The following DLGAP1 variants were observed in gnomAD, a reference collection of about 807,000 sequenced individuals.
DLGAP1 encodes DLG associated protein 1.
DLGAP1 carries 11 observed loss-of-function variants against 90.8 expected under a neutral mutation model. The observed-to-expected ratio is 0.12, with a 90% CI of 0.08 to 0.20. The LOEUF (loss-of-function observed/expected upper bound fraction) is 0.20. DLGAP1 is among the 10% of genes least tolerant of loss of function. The pLI is 1.00. For synonymous variants in DLGAP1, 558 were observed against 540.7 expected, an observed-to-expected ratio of 1.03 and a Z score of -0.44; for missense variants, 1,050 against 1,333.8, an observed-to-expected ratio of 0.79 and a Z score of 3.31.
At position 4,168,552 on chromosome 18, in the gene DLGAP1, A is replaced by AT. The variant is rs1047212051; in HGVS notation, c.-266-17266dup. 2.6e-5 allele frequency among the ~76,000 whole-genome samples: 4 copies of AT among 152,094 alleles called. No individual in the cohort carries two copies. The East Asian group carries it at 7.8e-4, about 30-fold the overall frequency. On this transcript the variant is annotated intron_variant, in intron 1 of 12. Coordinates refer to ENST00000315677, the MANE Select transcript of DLGAP1 (RefSeq NM_004746.4). ...TATACCCATTAAACCATAACTCCAC[A>AT]TTCCCCCCTTCTCCCTAGTCCTTGG...
At chr18:4,193,293 T>A (rs1180055131) in intron 1 of DLGAP1, among the ~76,000 whole-genome samples, 1 of 152,238 alleles carries the variant, frequency 6.6e-6, no homozygotes, top group Non-Finnish European at 1.5e-5. Context: ...TCATTTTTTA[T>A]ATGTTTACCT....
chr18:3,615,066 G>A (rs546262010), intron 7 of DLGAP1, among the ~76,000 whole-genome samples: 13 of 151,726 alleles, frequency 8.6e-5, no homozygotes, highest in South Asian at 4.2e-4. Flanking sequence ...GATTACAGGC[G>A]CCCGCCACCA....
At chr18:3,772,371 T>TCCTCCCCC (rs2064689798) in intron 5 of DLGAP1, among the ~76,000 whole-genome samples, 1 of 16,714 alleles carries the variant, frequency 6.0e-5, no homozygotes, top group Non-Finnish European at 2.3e-4. Flanking sequence ...TTTCTTTCTT[T>TCCTCCCCC]CTTTCTTTCT....
chr18:3,698,638 G>C (rs2061175464), intron 7 of DLGAP1, among the ~76,000 whole-genome samples: 1 of 152,092 alleles, frequency 6.6e-6, no homozygotes, highest in African/African-American at 2.4e-5. Flanking sequence ...CTCTTCTTGA[G>C]GAGTATCTTT....
intron 1 of DLGAP1, among the ~76,000 whole-genome samples, chr18:4,368,218 C>T (rs914691282): frequency 2.0e-5 from 3 of 152,178 alleles, no homozygotes; most frequent in Middle Eastern, 3.4e-3. Flanking sequence ...GTCTAACTGC[C>T]GCAATATTAT....
At chr18:3,930,579 G>A (rs751491815) in intron 3 of DLGAP1, among the ~76,000 whole-genome samples, 4 of 152,224 alleles carry the variant, frequency 2.6e-5, no homozygotes, top group African/African-American at 7.2e-5. Context: ...GTACTCAGTC[G>A]CTACCCTGGA....
At chr18:4,085,372 C>CTTTTCAGCAAAACCTGCTTAAG (rs1171247049) in intron 2 of DLGAP1, among the ~76,000 whole-genome samples, 4 of 152,306 alleles carry the variant, frequency 2.6e-5, no homozygotes, top group South Asian at 4.1e-4. Flanking sequence ...AATCTGCTTC[C>CTTTTCAGCAAAACCTGCTTAAG]TTTTCAGCAA....
rs73374561 is a variant in DLGAP1, at chr18:3,882,926, T to C, written c.-72-2786A>G. Among the ~76,000 whole-genome samples the C allele has an allele frequency of 2.2e-3, 331 of 152,294 alleles. 4 individuals are homozygous for C. Among genetic ancestry groups the C allele is most frequent in the African/African-American group, 7.7e-3 (319 of 41,568 alleles). ...GTCATTTCAGATATTCCTAGAGAGA[T>C]AGATATGTGGTTTAATTAAGAAACA... On this transcript the variant is annotated intron_variant, in intron 3 of 12. Transcript: ENST00000315677.
At chr18:4,283,291 T>G (rs2079599100) in intron 1 of DLGAP1, among the ~76,000 whole-genome samples, 1 of 152,176 alleles carries the variant, frequency 6.6e-6, no homozygotes, top group African/African-American at 2.4e-5. Flanking sequence ...CGAAAGTTTG[T>G]ACTAGGAATG....
chr18:4,290,190 C>CA (rs894099144), intron 1 of DLGAP1, among the ~76,000 whole-genome samples: 3 of 151,972 alleles, frequency 2.0e-5, no homozygotes, highest in Admixed American at 6.6e-5. Flanking sequence ...TCACATCTTG[C>CA]AAAAAATACT....
At chr18:3,860,908 G>C (rs558662904) in intron 4 of DLGAP1, among the ~76,000 whole-genome samples, 1 of 152,186 alleles carries the variant, frequency 6.6e-6, no homozygotes, top group South Asian at 2.1e-4. Flanking sequence ...TTTCAAATGA[G>C]GAAACGTCCT....
intron 7 of DLGAP1, among the ~76,000 whole-genome samples, chr18:3,712,502 C>T (rs1307026580): frequency 6.6e-6 from 1 of 152,202 alleles, no homozygotes; most frequent in Non-Finnish European, 1.5e-5. Context: ...TACAGAACAC[C>T]TCATGGAATT....
At chr18:4,115,843 A>G (rs997051973) in intron 2 of DLGAP1, among the ~76,000 whole-genome samples, 1 of 152,124 alleles carries the variant, frequency 6.6e-6, no homozygotes, top group Non-Finnish European at 1.5e-5. Flanking sequence ...AAAATATTAA[A>G]TTTCTATATA....
intron 3 of DLGAP1, among the ~76,000 whole-genome samples, chr18:4,000,496 A>G (rs146767222): frequency 2.0e-5 from 3 of 152,328 alleles, no homozygotes; most frequent in Non-Finnish European, 2.9e-5. Flanking sequence ...TATGAGTTAT[A>G]CAAAAAAATG....
chr18:3,938,079 A>G (rs9963323), intron 3 of DLGAP1, among the ~76,000 whole-genome samples: 22,164 of 152,242 alleles, frequency 0.15, 1,698 homozygotes, highest in Middle Eastern at 0.18. Context: ...GGTGTTAGTA[A>G]GTCAAGTGTG....
intron 6 of DLGAP1, among the ~76,000 whole-genome samples, chr18:3,739,440 G>C (rs1465921952): frequency 1.4e-5 from 2 of 145,478 alleles, no homozygotes; most frequent in Non-Finnish European, 3.0e-5. Context: ...GGAATACTAT[G>C]CAGCCATAAA....
intron 2 of DLGAP1, among the ~76,000 whole-genome samples, chr18:4,139,534 C>G (rs890443663): frequency 3.3e-5 from 5 of 151,914 alleles, no homozygotes; most frequent in East Asian, 1.9e-4. Flanking sequence ...TGTGGCTTAA[C>G]AAATGGTCTA....
In DLGAP1 at chr18:4,342,028, C is replaced by A. The variant is rs967840833; in HGVS notation, c.-267+112978G>T. ...AAAATAAATAGCTGAACCTGCCACA[C>A]AAGATCATCTTCAGAATTTCTGAGC... On this transcript the variant is annotated intron_variant, in intron 1 of 12. Transcript: ENST00000315677. This position sits in a 1 kb window ranked among gnomAD's most constrained non-coding sequence, Gnocchi z 5.8. 2.3e-4 allele frequency among the ~76,000 whole-genome samples: 35 copies of A among 152,082 alleles called. No homozygotes were observed. Among genetic ancestry groups the A allele is most frequent in the Admixed American group, 7.2e-4 (11 of 15,270 alleles).
At chr18:3,853,409 C>A (rs1160965259) in intron 4 of DLGAP1, among the ~76,000 whole-genome samples, 2 of 152,004 alleles carry the variant, frequency 1.3e-5, no homozygotes, top group African/African-American at 2.4e-5. Flanking sequence ...GATTATAATA[C>A]CATATTTGTA....
Sources: allele counts gnomAD v4.1 joint callset (sites outside exome capture counted in the v4.1 genomes callset), GRCh38; gene constraint gnomAD v4.1.1; non-coding constraint Gnocchi (gnomAD v3.1); transcripts MANE v1.5; gene names NCBI Gene and HGNC (gene_info 2026-07-23, HGNC 2026-07-21).